The following PDLIM1 variants were observed in gnomAD, a reference collection of about 807,000 sequenced individuals.
PDLIM1 encodes PDZ and LIM domain 1.
PDLIM1 carries 25 observed loss-of-function variants against 35.2 expected under a neutral mutation model. The ratio of observed to expected loss-of-function variants is 0.71; its 90% CI spans 0.52 to 0.99. PDLIM1 has a LOEUF of 0.99. Ranked by LOEUF, PDLIM1 falls within the 50% of genes least tolerant of loss-of-function variation. The pLI, the probability that PDLIM1 is intolerant of heterozygous loss-of-function variation, is 0.00. For synonymous variants in PDLIM1, 152 were observed against 154.0 expected (o/e 0.99, Z 0.10); for missense variants, 363 against 415.3 (o/e 0.87, Z 1.09).
intron 1 of PDLIM1, among the ~76,000 whole-genome samples, chr10:95,282,016 G>A (rs2035565428): frequency 6.6e-6 from 1 of 152,184 alleles, no homozygotes; most frequent in Non-Finnish European, 1.5e-5. Context: ...CTAAGTGAAA[G>A]ACAAGCCTAA....
At chr10:95,239,909 A>G (rs181998679) in intron 5 of PDLIM1, among the ~76,000 whole-genome samples, 138 of 152,364 alleles carry the variant, frequency 9.1e-4, no homozygotes, top group African/African-American at 3.3e-3. Context: ...ATCACTGATC[A>G]TTAGAGAAAT....
intron 4 of PDLIM1, among the ~76,000 whole-genome samples, chr10:95,251,234 C>CT (rs5787127): frequency 0.34 from 48,341 of 143,034 alleles, 8,115 homozygotes; most frequent in South Asian, 0.42. Flanking sequence ...ATATAAGGGG[C>CT]TTTTTTTTTT....
At chr10:95,281,120 TAA>T (rs996071283) in intron 1 of PDLIM1, among the ~76,000 whole-genome samples, 5 of 152,188 alleles carry the variant, frequency 3.3e-5, no homozygotes, top group Non-Finnish European at 5.9e-5. Flanking sequence ...TGAATGAAGT[TAA>T]AGTCATCAGG....
intron 1 of PDLIM1, among the ~76,000 whole-genome samples, chr10:95,285,867 T>C (rs1302018943): frequency 6.6e-6 from 1 of 152,184 alleles, no homozygotes; most frequent in Admixed American, 6.5e-5. Flanking sequence ...ATATTAAAAG[T>C]CCTATATATG....
At chr10:95,281,019 A>G (rs1424183913) in intron 1 of PDLIM1, among the ~76,000 whole-genome samples, 1 of 152,182 alleles carries the variant, frequency 6.6e-6, no homozygotes, top group Non-Finnish European at 1.5e-5. Flanking sequence ...TACCTTTTTA[A>G]AGCTTCCCAG....
intron 4 of PDLIM1, among the ~76,000 whole-genome samples, chr10:95,260,184 A>C (rs2035348496): frequency 6.6e-6 from 1 of 152,198 alleles, no homozygotes; most frequent in Admixed American, 6.5e-5. Flanking sequence ...CTGGTGGTAA[A>C]GAAGTTAGTA....
intron 4 of PDLIM1, among the ~76,000 whole-genome samples, chr10:95,256,976 A>AG (rs1379978864): frequency 0.062 from 6,909 of 110,984 alleles, 456 homozygotes; most frequent in Non-Finnish European, 0.07. Flanking sequence ...CTTCATCTTA[A>AG]AAAAAAAAAA....
At position 95,271,709 on chromosome 10, in the gene PDLIM1, T is replaced by C. The variant is rs896323219; in HGVS notation, c.172A>G (p.Thr58Ala). The change falls in exon 2 of 7, where the codon ACT (threonine) becomes GCT (alanine). Residue 58 changes from threonine to alanine, a missense_variant. By Grantham distance (58) the Thr-to-Ala change is moderately conservative. Transcript: ENST00000329399. ...DVITAIDGEN[T>A]SNMTHLEAQN... ...GCTTCCAAGTGTGTCATATTGCTAG[T>C]ATTTTCCCCATCAATGGCTGTGATT... The C allele has an allele frequency of 6.2e-7, 1 of 1,612,618 alleles. No individual in the cohort carries two copies. The highest frequency in any genetic ancestry group is 8.5e-7 in the Non-Finnish European group (1 of 1,179,482).
At chr10:95,238,728 T>C (rs772884124) in intron 5 of PDLIM1, 43 bp from the exon 6 acceptor site, 9 of 1,214,158 alleles carry the variant, frequency 7.4e-6, no homozygotes, top group Non-Finnish European at 1.1e-5. Flanking sequence ...AAGGGCAGAA[T>C]TGCATAAGTA....
At chr10:95,240,892 G>T (rs1289718289) in intron 5 of PDLIM1, among the ~76,000 whole-genome samples, 1 of 152,178 alleles carries the variant, frequency 6.6e-6, no homozygotes, top group Admixed American at 6.5e-5. Flanking sequence ...TACCATGGTA[G>T]CTATTAATAA....
At chr10:95,249,584 A>G (rs556454144) in intron 4 of PDLIM1, among the ~76,000 whole-genome samples, 1 of 152,192 alleles carries the variant, frequency 6.6e-6, no homozygotes, top group African/African-American at 2.4e-5. Flanking sequence ...CAAATGAATT[A>G]TATCAGTTAC....
intron 3 of PDLIM1, among the ~76,000 whole-genome samples, chr10:95,266,285 G>A (rs1195465573): frequency 2.6e-5 from 4 of 152,076 alleles, no homozygotes; most frequent in Admixed American, 2.6e-4. Flanking sequence ...AAATTTTATG[G>A]CACAGCTACC....
chr10:95,253,656 TAA>T (rs67230953), intron 4 of PDLIM1, among the ~76,000 whole-genome samples: 5 of 140,928 alleles, frequency 3.5e-5, no homozygotes, highest in East Asian at 2.1e-4. Context: ...GACTCTGTCT[TAA>T]AAAAAAAAAA....
At chr10:95,241,839 A>G (rs775888576) in intron 5 of PDLIM1, among the ~76,000 whole-genome samples, 1 of 152,224 alleles carries the variant, frequency 6.6e-6, no homozygotes, top group Non-Finnish European at 1.5e-5. Context: ...CAGCCCTGCC[A>G]AGCCCAGCAG....
chr10:95,247,508 CCTG>C, intron 4 of PDLIM1, 142 bp from the exon 5 acceptor site: 1 of 642,656 alleles, frequency 1.6e-6, no homozygotes, highest in South Asian at 2.2e-5. Context: ...CAGCCACAGA[CCTG>C]CTGCCAGCAC....
At chr10:95,263,144 CAA>C (rs11433635) in intron 4 of PDLIM1, among the ~76,000 whole-genome samples, 31 of 119,524 alleles carry the variant, frequency 2.6e-4, no homozygotes, top group Non-Finnish European at 2.2e-4. Flanking sequence ...AAGCTTGTCT[CAA>C]AAAAAAAAAA....
chr10:95,244,723 A>T (rs943652398), intron 5 of PDLIM1, among the ~76,000 whole-genome samples: 1 of 152,152 alleles, frequency 6.6e-6, no homozygotes, highest in Non-Finnish European at 1.5e-5. Context: ...AACATGGAGA[A>T]ACCCCATCTC....
At chr10:95,238,474 C>A in intron 6 of PDLIM1, 94 bp downstream of exon 6, 1 of 843,480 alleles carries the variant, frequency 1.2e-6, no homozygotes, top group Non-Finnish European at 2.0e-6. Flanking sequence ...TTGTCTCCCT[C>A]ACAAGCAAAA....
intron 5 of PDLIM1, among the ~76,000 whole-genome samples, chr10:95,240,339 C>CTTT (rs2035167833): frequency 3.3e-5 from 5 of 152,182 alleles, no homozygotes; most frequent in Non-Finnish European, 7.4e-5. Context: ...TTGTCCTTTG[C>CTTT]AGGGACATGG....
Sources: allele counts gnomAD v4.1 joint callset (sites outside exome capture counted in the v4.1 genomes callset), GRCh38; gene constraint gnomAD v4.1.1; transcripts MANE v1.5; gene names NCBI Gene and HGNC (gene_info 2026-07-23, HGNC 2026-07-21).